Variants in ABCB11 observed in about 807,000 individuals in gnomAD.
The protein encoded by ABCB11 is ATP binding cassette subfamily B member 11.
ABCB11 carries 95 observed loss-of-function variants against 148.0 expected under a neutral mutation model. That is an observed-to-expected ratio of 0.64 (90% CI 0.54 to 0.76). The LOEUF is 0.76. Among genes scored for constraint, ABCB11 ranks in the 30% least tolerant of loss-of-function variants. The probability of loss-of-function intolerance (pLI) is 0.00; values close to 1 mark genes in which losing one functional copy is unlikely to be tolerated. For missense variants in ABCB11, 1,523 were observed against 1,617.8 expected (o/e 0.94, Z 1.01); for synonymous variants, 591 against 555.4 (o/e 1.06, Z -0.90).
chr2:168,990,454 T>C (rs757999320), intron 9 of ABCB11, among the ~76,000 whole-genome samples: 1 of 152,112 alleles, frequency 6.6e-6, no homozygotes, highest in Non-Finnish European at 1.5e-5. Flanking sequence ...AGTTGTAATG[T>C]CTCATGTAGG....
intron 5 of ABCB11, among the ~76,000 whole-genome samples, chr2:169,010,883 A>G (rs1045361312): frequency 1.3e-5 from 2 of 152,204 alleles, no homozygotes; most frequent in Admixed American, 1.3e-4. Flanking sequence ...AATTTCAGCT[A>G]TCTGTATGAA....
chr2:168,987,296 G>C (rs1573943646), intron 9 of ABCB11, among the ~76,000 whole-genome samples: 3 of 152,046 alleles, frequency 2.0e-5, no homozygotes, highest in South Asian at 4.1e-4. Flanking sequence ...ATGGCACGTA[G>C]TAAGTACTCA....
chr2:169,015,859 G>T (rs116464384), intron 3 of ABCB11, among the ~76,000 whole-genome samples: 3 of 151,948 alleles, frequency 2.0e-5, no homozygotes, highest in African/African-American at 4.8e-5. Context: ...TTCTATACCC[G>T]CAGCACCTAC....
chr2:168,949,033 T>C (rs1414111154), intron 19 of ABCB11, among the ~76,000 whole-genome samples: 6 of 151,630 alleles, frequency 4.0e-5, no homozygotes, highest in Non-Finnish European at 7.4e-5. Flanking sequence ...GTTGGCAAAT[T>C]CTATAGACTA....
intron 5 of ABCB11, among the ~76,000 whole-genome samples, chr2:168,997,130 G>T (rs959562809): frequency 6.6e-6 from 1 of 152,000 alleles, no homozygotes; most frequent in Admixed American, 6.6e-5. Flanking sequence ...AGGCAAGAAA[G>T]ATTTTCAAAA....
chr2:168,980,285 T>G (rs986335869), intron 10 of ABCB11, among the ~76,000 whole-genome samples: 1 of 152,162 alleles, frequency 6.6e-6, no homozygotes, highest in African/African-American at 2.4e-5. Flanking sequence ...AGACCCAAAG[T>G]GGACTTGAAT....
At chr2:168,976,804 G>A in intron 11 of ABCB11, 117 bp from the exon 12 acceptor site, 1 of 608,370 alleles carries the variant, frequency 1.6e-6, no homozygotes, top group South Asian at 2.1e-5. Context: ...TTATCTGGTT[G>A]TTGCTCTGTT....
At chr2:168,977,372 TC>T (rs1370045387) in intron 11 of ABCB11, among the ~76,000 whole-genome samples, 2 of 152,134 alleles carry the variant, frequency 1.3e-5, no homozygotes, top group Admixed American at 1.3e-4. Flanking sequence ...CTTTTGAGTA[TC>T]CATGGTAGAT....
At chr2:168,962,583 T>C (rs1693124847) in intron 18 of ABCB11, among the ~76,000 whole-genome samples, 1 of 151,666 alleles carries the variant, frequency 6.6e-6, no homozygotes, top group South Asian at 2.1e-4. Flanking sequence ...CCTTTCTTAC[T>C]TTTACTTTTA....
At chr2:168,985,964 A>G (rs987236658) in intron 10 of ABCB11, 146 bp downstream of exon 10, 2 of 677,506 alleles carry the variant, frequency 3.0e-6, no homozygotes, top group African/African-American at 1.9e-5. Flanking sequence ...AATTTAAGGT[A>G]TTACTTGTTT....
chr2:168,954,679 C>T (rs1692714355), intron 19 of ABCB11, among the ~76,000 whole-genome samples: 1 of 151,682 alleles, frequency 6.6e-6, no homozygotes, highest in African/African-American at 2.4e-5. Flanking sequence ...TGACTTTAGA[C>T]ATTCTGAACA....
chr2:168,919,407 A>G (rs1436662458), downstream of ABCB11, among the ~76,000 whole-genome samples: 1 of 152,094 alleles, frequency 6.6e-6, no homozygotes, highest in Non-Finnish European at 1.5e-5. Flanking sequence ...ATTCAAACCC[A>G]CCAGGCATTC....
chr2:168,958,007 G>C lies in ABCB11; in HGVS notation c.2300C>G (p.Thr767Arg). The C allele has an allele frequency of 3.1e-6, 5 of 1,608,922 alleles. No homozygotes were observed. Among genetic ancestry groups the C allele is most frequent in the Non-Finnish European group, 4.2e-6 (5 of 1,176,502 alleles). Residue 767 changes from threonine (T) to arginine (R), a missense_variant, in exon 19 of 28, where the codon ACA becomes AGA. Transcript: ENST00000650372. ...VGSVGAAVNG[T>R]VTPLYAFLFS... is the part of the protein sequence containing the mutation. ...TAAAAAGGCATACAAGGGTGTGACT[G>C]TCCCGTTCACAGCTGCACCCACAGA...
chr2:168,921,863 C>CT lies in ABCB11; in HGVS notation c.*1758dup, dbSNP rs58414999. Among the ~76,000 whole-genome samples the CT allele has an allele frequency of 0.14, 17,267 of 123,712 alleles. 2,765 individuals are homozygous for CT. Among genetic ancestry groups the CT allele is most frequent in the African/African-American group, 0.39 (12,348 of 31,334 alleles). The allele number at this position is 123,712 out of a possible 152,430, so 81.2% of individuals were successfully genotyped here. On this transcript the variant is annotated 3_prime_UTR_variant, in exon 28 of 28. Transcript: ENST00000650372. ...CTTGACCTCTTTTCTTTTTCTTTTTCTTTTTTTTTTTTTTTCGCTCTGTCG... is the reference window on the plus strand; with the variant it reads ...CTTGACCTCTTTTCTTTTTCTTTTTCTTTTTTTTTTTTTTTTCGCTCTGTCG...
At chr2:168,939,322 T>C (rs1156824468) in intron 21 of ABCB11, among the ~76,000 whole-genome samples, 1 of 152,014 alleles carries the variant, frequency 6.6e-6, no homozygotes, top group Non-Finnish European at 1.5e-5. Context: ...ATATCATTAT[T>C]TACTATTACT....
intron 14 of ABCB11, chr2:168,970,628 C>G (rs1279531242): frequency 6.4e-6 from 2 of 310,830 alleles, no homozygotes; most frequent in Non-Finnish European, 6.3e-6. Context: ...AATAAAAGGT[C>G]AAACTAGCTT....
chr2:168,934,729 C>T (rs1691738602), intron 23 of ABCB11, among the ~76,000 whole-genome samples: 1 of 152,206 alleles, frequency 6.6e-6, no homozygotes, highest in African/African-American at 2.4e-5. Context: ...CACTTTCATG[C>T]ATCCCTTTGC....
downstream of ABCB11, among the ~76,000 whole-genome samples, chr2:168,920,769 C>A (rs1400777143): frequency 6.6e-6 from 1 of 152,166 alleles, no homozygotes; most frequent in South Asian, 2.1e-4. Flanking sequence ...TAGACATCAT[C>A]GCCCCCTGGT....
At chr2:168,983,654 T>C (rs767618430) in intron 10 of ABCB11, among the ~76,000 whole-genome samples, 1 of 152,136 alleles carries the variant, frequency 6.6e-6, no homozygotes, top group Non-Finnish European at 1.5e-5. Context: ...TTGGAATGAT[T>C]ATGGTTTGAC....
Sources: allele counts gnomAD v4.1 joint callset (sites outside exome capture counted in the v4.1 genomes callset), GRCh38; gene constraint gnomAD v4.1.1; transcripts MANE v1.5; gene names NCBI Gene and HGNC (gene_info 2026-07-23, HGNC 2026-07-21).